Variants in IVNS1ABP observed in about 807,000 individuals in gnomAD.
The protein encoded by IVNS1ABP is influenza virus NS1A binding protein, also known as influenza virus NS1A-binding protein.
A neutral mutation model predicts 78.9 loss-of-function variants in IVNS1ABP; 25 were observed. The observed-to-expected ratio is 0.32, with a 90% CI of 0.23 to 0.44. The LOEUF is 0.44. Among genes scored for constraint, IVNS1ABP ranks in the 20% least tolerant of loss-of-function variants. The pLI, the probability that IVNS1ABP is intolerant of heterozygous loss-of-function variation, is 1.00. For missense variants in IVNS1ABP, 494 were observed against 768.9 expected (o/e 0.64, Z 4.23); for synonymous variants, 241 against 259.7 (o/e 0.93, Z 0.69).
intron 4 of IVNS1ABP, 43 bp from the exon 5 acceptor site, chr1:185,308,918 C>CTTAATTT (rs771004451): frequency 6.3e-7 from 1 of 1,576,564 alleles, no homozygotes; most frequent in Non-Finnish European, 8.7e-7. Flanking sequence ...AGCCTTAAAA[C>CTTAATTT]ACACTTAATT....
At position 185,307,384 on chromosome 1, in the gene IVNS1ABP, T is replaced by G. The variant is rs1167980245; in HGVS notation, c.531+105A>C. 8.3e-6 allele frequency: 8 copies of G among 968,950 alleles called. No individual in the cohort carries two copies. In the African/African-American group the frequency reaches 1.3e-4, roughly 16 times the overall value. 60.0% of individuals were successfully genotyped at this position (968,950 alleles called of 1,614,324 possible). On this transcript the variant is annotated intron_variant, in intron 6 of 14. Transcript: ENST00000367498. ...CGCTGCTAAGAATAACAATATAATT[T>G]CAATGTATTATTTCATAATCATTAC...
intron 8 of IVNS1ABP, 147 bp from the exon 9 acceptor site, chr1:185,301,710 CA>C: frequency 1.4e-6 from 1 of 728,196 alleles, no homozygotes. Flanking sequence ...CAACACTTTC[CA>C]AATGACACAA....
intron 7 of IVNS1ABP, 23 bp downstream of exon 7, chr1:185,306,991 A>C (rs1212920235): frequency 6.2e-7 from 1 of 1,608,880 alleles, no homozygotes; most frequent in East Asian, 2.2e-5. Context: ...AAATGGTTGA[A>C]TCCCATTTAC....
chr1:185,306,779 A>T, intron 7 of IVNS1ABP: 1 of 682,034 alleles, frequency 1.5e-6, no homozygotes, highest in Non-Finnish European at 2.2e-6. Context: ...GCTACTTTAA[A>T]GAAAGTTAAC....
chr1:185,307,549 A>C lies in IVNS1ABP; in HGVS notation c.471T>G (p.Ile157Met). 6.2e-7 allele frequency: 1 copy of C among 1,613,596 alleles called. No homozygotes were observed. The highest frequency in any genetic ancestry group is 8.5e-7 in the Non-Finnish European group (1 of 1,179,674). Residue 157 changes from isoleucine to methionine, a missense_variant, in exon 6 of 15, where the codon ATT (isoleucine) becomes ATG (methionine). Physicochemically the swap from Ile to Met is conservative, Grantham distance 10. Transcript: ENST00000367498. Reference sequence around the variant, plus strand: ...CAGAAATTTGTAACAAATGCTCCTGAATATAAGCATCAACCTTATTCAACA... The same window carrying C: ...CAGAAATTTGTAACAAATGCTCCTGCATATAAGCATCAACCTTATTCAACA... ...SRLLNKVDAY[I>M]QEHLLQISEE...
rs1666051508 is a variant in IVNS1ABP, at chr1:185,316,991, G to A, written c.-285C>T. ...GAAGAGATGGAAACATTCATTTCTAGAGCTTCGATGGGAAGCAGGAGGAAG... is the reference window on the plus strand; with the variant it reads ...GAAGAGATGGAAACATTCATTTCTAAAGCTTCGATGGGAAGCAGGAGGAAG... On this transcript the variant is annotated 5_prime_UTR_variant, in exon 1 of 15. Coordinates refer to ENST00000367498, the MANE Select transcript of IVNS1ABP (RefSeq NM_006469.5). 5 of 398,590 alleles carry A rather than the reference G, an allele frequency of 1.3e-5. No homozygotes were observed. The highest frequency in any genetic ancestry group is 3.6e-5 in the East Asian group (1 of 28,052). The allele number at this position is 398,590 out of a possible 1,614,324, so 24.7% of individuals were successfully genotyped here.
In IVNS1ABP at chr1:185,307,862, T is replaced by A; in HGVS notation, c.358-200A>T. 4.3e-6 allele frequency: 6 copies of A among 1,405,170 alleles called. No individual in the cohort carries two copies. The South Asian group carries it at 5.6e-5, about 13-fold the overall frequency. 87.0% of individuals were successfully genotyped at this position (1,405,170 alleles called of 1,614,324 possible). ...GCCATACAGATATGTAAGTTTTAGT[T>A]TAAGGAGAGGTACAACAAATTGAAA... On this transcript the variant is annotated intron_variant, in intron 5 of 14. Transcript: ENST00000367498.
chr1:185,303,462 T>G (rs10911702), intron 8 of IVNS1ABP, among the ~76,000 whole-genome samples: 67,820 of 151,638 alleles, frequency 0.45, 15,912 homozygotes, highest in African/African-American at 0.58. Context: ...ATTCCTGAAG[T>G]CTAACATGTG....
Position 185,317,056 on chromosome 1 carries a change from C to G in IVNS1ABP, c.-350G>C, listed in dbSNP as rs2102827829. 2.5e-6 allele frequency: 1 copy of G among 398,876 alleles called. No individual in the cohort carries two copies. The highest frequency in any genetic ancestry group is 3.6e-5 in the East Asian group (1 of 28,070). 24.7% of individuals were successfully genotyped at this position (398,876 alleles called of 1,614,324 possible). A position where few individuals can be genotyped will look rare whatever the true frequency, so the allele number is the denominator to read the frequency against. The stretch of plus-strand genomic sequence containing the variant: ...CCCAACGGAAAGCGCCAGAAGGCGG[C>G]GGAAGACGGGAGCGGTCAAGTAGAA... On this transcript the variant is annotated 5_prime_UTR_variant, in exon 1 of 15. Coordinates refer to ENST00000367498, the MANE Select transcript of IVNS1ABP (RefSeq NM_006469.5).
rs1211853603 is a variant in IVNS1ABP, at chr1:185,305,336, G to C, written c.765+200C>G. 6.6e-6 allele frequency among the ~76,000 whole-genome samples: 1 copy of C among 151,882 alleles called. No homozygotes were observed. The highest frequency in any genetic ancestry group is 1.9e-4 in the East Asian group (1 of 5,172). ...CTTTATGAGAAAAAAATTTCAATAG[G>C]GTTTCCTAATTTGTTAATATCTTTT... On this transcript the variant is annotated intron_variant, in intron 8 of 14. Transcript: ENST00000367498. This position sits in a 1 kb window ranked among gnomAD's most constrained non-coding sequence, Gnocchi z 4.0.
rs967897492 is a variant in IVNS1ABP at position 185,298,557 on chromosome 1, T to G, written c.1676-269A>C. The G allele has an allele frequency of 2.2e-6, 1 of 455,642 alleles. No homozygotes were observed. The highest frequency in any genetic ancestry group is 3.9e-6 in the Non-Finnish European group (1 of 256,130). The allele number at this position is 455,642 out of a possible 1,614,324, so 28.2% of individuals were successfully genotyped here. On this transcript the variant is annotated intron_variant, in intron 14 of 14. Transcript: ENST00000367498. The surrounding 1 kb of genome is among the most constrained non-coding windows in gnomAD (Gnocchi z 4.1). Reference sequence around the variant, plus strand: ...AGTAGCAGCATCTAAATAAGTACAATTTTCACCAACTCTGTGGTAGTTACT... The same window carrying G: ...AGTAGCAGCATCTAAATAAGTACAAGTTTCACCAACTCTGTGGTAGTTACT...
intron 1 of IVNS1ABP, among the ~76,000 whole-genome samples, chr1:185,312,024 C>T (rs1490887270): frequency 6.6e-6 from 1 of 152,242 alleles, no homozygotes; most frequent in Non-Finnish European, 1.5e-5. Context: ...GGCAAACCTT[C>T]TGTCTTGTTC....
At chr1:185,307,976 AGAT>A (rs1249861148) in intron 5 of IVNS1ABP, 1 of 1,549,884 alleles carries the variant, frequency 6.5e-7, no homozygotes, top group Admixed American at 2.0e-5. Flanking sequence ...TCTACAGGAG[AGAT>A]GATGTTGATG....
chr1:185,302,131 A>G (rs2102814791), intron 8 of IVNS1ABP, among the ~76,000 whole-genome samples: 1 of 152,272 alleles, frequency 6.6e-6, no homozygotes, highest in African/African-American at 2.4e-5. Flanking sequence ...TATAGGTATT[A>G]TAGAGTGGTT....
chr1:185,300,266 T>C lies in IVNS1ABP; in HGVS notation c.1320A>G (p.Ile440Met), dbSNP rs748484258. 1 of 1,613,372 alleles carries C rather than the reference T, an allele frequency of 6.2e-7. No individual in the cohort carries two copies. The highest frequency in any genetic ancestry group is 8.5e-7 in the Non-Finnish European group (1 of 1,179,680). ...LSCGEMYDSN[I>M]DDWIPVPELR... ...ATTCTGGAACAGGAATCCAGTCATC[T>C]ATGTTTGAATCATACATCTCTCCAC... The change falls in exon 12 of 15, where the codon ATA (isoleucine) becomes ATG (methionine). Residue 440 changes from isoleucine to methionine, a missense_variant. Transcript: ENST00000367498.
intron 7 of IVNS1ABP, chr1:185,306,598 C>A: frequency 8.0e-7 from 1 of 1,246,242 alleles, no homozygotes; most frequent in Non-Finnish European, 1.0e-6. Flanking sequence ...TTTCTTCAGT[C>A]TTGGGTATCC....
At position 185,298,434 on chromosome 1, in the gene IVNS1ABP, A is replaced by C. The variant is rs1665479952; in HGVS notation, c.1676-146T>G. On this transcript the variant is annotated intron_variant, in intron 14 of 14. Coordinates refer to ENST00000367498, the MANE Select transcript of IVNS1ABP (RefSeq NM_006469.5). The surrounding 1 kb of genome is among the most constrained non-coding windows in gnomAD (Gnocchi z 4.1). ...GTCAAAAAGAATTTATTAAATGCCTAATATGACAAATACTCTCTAAGAGCT... is the reference window on the plus strand; with the variant it reads ...GTCAAAAAGAATTTATTAAATGCCTCATATGACAAATACTCTCTAAGAGCT... The C allele has an allele frequency of 1.4e-6, 1 of 691,166 alleles. No individual in the cohort carries two copies. Among genetic ancestry groups the C allele is most frequent in the East Asian group, 2.7e-5 (1 of 36,748 alleles). The allele number at this position is 691,166 out of a possible 1,614,324, so 42.8% of individuals were successfully genotyped here.
rs763214704 is a variant in IVNS1ABP, at chr1:185,300,347, T to C, written c.1243-4A>G. On this transcript the variant is annotated splice_polypyrimidine_tract_variant and splice_region_variant and intron_variant, in intron 11 of 14. Coordinates refer to ENST00000367498, the MANE Select transcript of IVNS1ABP (RefSeq NM_006469.5). ...CACCTACCACATAGAGCTGGCCCTA[T>C]GCCAAAAGTGAGAGATGAGAATTTC... 3.1e-6 allele frequency: 5 copies of C among 1,613,472 alleles called. No homozygotes were observed. Among genetic ancestry groups the C allele is most frequent in the South Asian group, 1.1e-5 (1 of 91,064 alleles).
intron 7 of IVNS1ABP, chr1:185,306,516 G>A (rs1013790583): frequency 2.6e-5 from 33 of 1,289,090 alleles, no homozygotes; most frequent in Middle Eastern, 2.1e-4. Flanking sequence ...TGCCCACAGC[G>A]GATTTTTCTT....
Sources: allele counts gnomAD v4.1 joint callset (sites outside exome capture counted in the v4.1 genomes callset), GRCh38; gene constraint gnomAD v4.1.1; non-coding constraint Gnocchi (gnomAD v3.1); transcripts MANE v1.5; gene names NCBI Gene and HGNC (gene_info 2026-07-23, HGNC 2026-07-21).